CSMD1: variants seen among roughly 807,000 people sequenced by gnomAD.
The protein encoded by CSMD1 is CUB and Sushi multiple domains 1, also known as CUB and sushi domain-containing protein 1.
Under a neutral mutation model 417.5 loss-of-function variants are expected in CSMD1, and 213 were observed. The observed-to-expected ratio is 0.51, with a 90% CI of 0.46 to 0.57. The LOEUF is 0.57. Ranked by LOEUF, CSMD1 falls within the 20% of genes least tolerant of loss-of-function variation. CSMD1 has a pLI of 0.00. For synonymous variants in CSMD1, 2,862 were observed against 1,736.8 expected, an observed-to-expected ratio of 1.65 and a Z score of -16.11; for missense variants, 6,923 against 4,529.7, an observed-to-expected ratio of 1.53 and a Z score of -15.17.
At chr8:4,790,412 A>G (rs1019827033) in intron 1 of CSMD1, among the ~76,000 whole-genome samples, 7 of 152,198 alleles carry the variant, frequency 4.6e-5, no homozygotes, top group African/African-American at 1.7e-4. Context: ...TTCCCAGAGC[A>G]ATTTACAGAT....
chr8:3,673,933 C>G (rs1210023267), intron 7 of CSMD1, among the ~76,000 whole-genome samples: 1 of 152,092 alleles, frequency 6.6e-6, no homozygotes, highest in African/African-American at 2.4e-5. Context: ...GCCTGGGCAA[C>G]ATGGCACAAT....
At chr8:4,638,615 G>A (rs1021570181) in intron 1 of CSMD1, among the ~76,000 whole-genome samples, 2 of 152,250 alleles carry the variant, frequency 1.3e-5, no homozygotes, top group African/African-American at 2.4e-5. Context: ...TAAAGAAAAG[G>A]CTCAGAGTTC....
intron 1 of CSMD1, among the ~76,000 whole-genome samples, chr8:4,816,880 G>C (rs2028225): frequency 0.046 from 6,935 of 152,174 alleles, 425 homozygotes; most frequent in East Asian, 0.29. Context: ...CTCAGAAACA[G>C]TCACATGCCC....
At chr8:3,524,766 A>T (rs1368027766) in intron 10 of CSMD1, among the ~76,000 whole-genome samples, 1 of 151,792 alleles carries the variant, frequency 6.6e-6, no homozygotes, top group African/African-American at 2.4e-5. Context: ...ACACATGCAC[A>T]TATGCAAGTG....
chr8:3,806,322 A>G (rs547623752), intron 5 of CSMD1, among the ~76,000 whole-genome samples: 39 of 152,304 alleles, frequency 2.6e-4, no homozygotes, highest in African/African-American at 9.4e-4. Context: ...TGGGTAATTA[A>G]TAGATTCTTT....
At chr8:3,660,017 C>T (rs553415932) in intron 7 of CSMD1, among the ~76,000 whole-genome samples, 100 of 152,322 alleles carry the variant, frequency 6.6e-4, no homozygotes, top group Non-Finnish European at 1.3e-3. Context: ...CGTATCTAAT[C>T]GCCAAGCTTC....
At chr8:3,789,787 G>A (rs1799633862) in intron 5 of CSMD1, among the ~76,000 whole-genome samples, 1 of 145,842 alleles carries the variant, frequency 6.9e-6, no homozygotes, top group African/African-American at 2.6e-5. Context: ...CTGGAGTGCA[G>A]CGGTGCTATC....
intron 1 of CSMD1, among the ~76,000 whole-genome samples, chr8:4,932,866 T>C (rs1807336028): frequency 6.6e-6 from 1 of 152,222 alleles, no homozygotes; most frequent in African/African-American, 2.4e-5. Flanking sequence ...GCCTCAAACA[T>C]AGGAAAATGC....
chr8:4,785,410 C>A (rs368173309), intron 1 of CSMD1, among the ~76,000 whole-genome samples: 1 of 152,086 alleles, frequency 6.6e-6, no homozygotes, highest in Non-Finnish European at 1.5e-5. Context: ...CTCTTAGGTA[C>A]CAAAATGCCC....
intron 10 of CSMD1, among the ~76,000 whole-genome samples, chr8:3,543,618 A>C (rs776994897): frequency 2.6e-5 from 4 of 151,434 alleles, no homozygotes; most frequent in Middle Eastern, 3.2e-3. Context: ...TAAGTATAAT[A>C]ATTTTCAGCC....
chr8:4,370,631 T>A (rs1802341511), intron 3 of CSMD1, among the ~76,000 whole-genome samples: 1 of 152,248 alleles, frequency 6.6e-6, no homozygotes, highest in African/African-American at 2.4e-5. Flanking sequence ...TGTCCATTTT[T>A]AAAAATTCAT....
At chr8:4,694,136 G>A (rs560373009) in intron 1 of CSMD1, among the ~76,000 whole-genome samples, 1 of 152,202 alleles carries the variant, frequency 6.6e-6, no homozygotes, top group South Asian at 2.1e-4. Context: ...ATTTGTCCAC[G>A]GGAATTTCCT....
intron 1 of CSMD1, among the ~76,000 whole-genome samples, chr8:4,911,962 G>T (rs1805705235): frequency 6.6e-6 from 1 of 151,520 alleles, no homozygotes; most frequent in Non-Finnish European, 1.5e-5. Context: ...CACCCAGAAA[G>T]TTCAGTTTAA....
chr8:4,714,625 C>CA (rs1006333324), intron 1 of CSMD1, among the ~76,000 whole-genome samples: 1 of 73,810 alleles, frequency 1.4e-5, no homozygotes, highest in Non-Finnish European at 2.6e-5. Context: ...ACCACTCATC[C>CA]AAAAACACAG....
At chr8:4,042,110 GA>G (rs1390843256) in intron 3 of CSMD1, among the ~76,000 whole-genome samples, 5 of 151,994 alleles carry the variant, frequency 3.3e-5, no homozygotes, top group Non-Finnish European at 5.9e-5. Flanking sequence ...CAGAAAAAAA[GA>G]AGAAAAGGAA....
chr8:4,423,237 A>G (rs1040264059), intron 2 of CSMD1, among the ~76,000 whole-genome samples: 1 of 152,064 alleles, frequency 6.6e-6, no homozygotes, highest in Non-Finnish European at 1.5e-5. Flanking sequence ...AAGAAAATAT[A>G]TGCGTATGGG....
rs185025140 is a variant in CSMD1, at chr8:4,657,907, T to C, written c.86-20349A>G. On this transcript the variant is annotated intron_variant, in intron 1 of 69. Coordinates refer to ENST00000635120, the MANE Select transcript of CSMD1 (RefSeq NM_033225.6). ...TACAGATATAGAAGTTATAAAAAAA[T>C]ACAAATACTGAAGATAAAAAGTACA... Among the ~76,000 whole-genome samples the C allele has an allele frequency of 4.1e-4, 63 of 151,982 alleles. No individual in the cohort carries two copies. In the East Asian group the frequency reaches 0.012, roughly 29 times the overall value.
Position 3,307,718 on chromosome 8 carries a change from C to G in CSMD1, c.3927G>C (p.Glu1309Asp), listed in dbSNP as rs776027264. 1.2e-6 allele frequency: 2 copies of G among 1,613,604 alleles called. No individual in the cohort carries two copies. The part of the protein sequence containing the change: ...DNNLHCTWII[E>D]ADPGKTISLH... Reference sequence around the variant, plus strand: ...ACCTAATGGTCTTTCCTGGGTCTGCCTCTATAATCCAGGTGCAGTGGAGGT... The same window carrying G: ...ACCTAATGGTCTTTCCTGGGTCTGCGTCTATAATCCAGGTGCAGTGGAGGT... Residue 1309 changes from glutamate (E) to aspartate (D), a missense_variant, in exon 25 of 70, where the codon GAG becomes GAC. By Grantham distance (45) the Glu-to-Asp change is conservative (BLOSUM62 2). Coordinates refer to ENST00000635120, the MANE Select transcript of CSMD1 (RefSeq NM_033225.6).
chr8:3,667,768 A>C (rs1368505450), intron 7 of CSMD1, among the ~76,000 whole-genome samples: 1 of 152,188 alleles, frequency 6.6e-6, no homozygotes, highest in Non-Finnish European at 1.5e-5. Flanking sequence ...ACCTTCAGGG[A>C]GCAAGTGTCT....
Sources: gnomAD v4.1 joint callset for allele counts (sites outside exome capture counted in the v4.1 genomes callset) on GRCh38, gnomAD v4.1.1 for gene constraint, MANE v1.5 for transcripts, NCBI Gene and HGNC (gene_info 2026-07-23, HGNC 2026-07-21) for gene names.